Variants in KCNT2 observed in about 807,000 individuals in gnomAD.
KCNT2 encodes the protein potassium sodium-activated channel subfamily T member 2.
KCNT2 carries 67 observed loss-of-function variants against 153.8 expected under a neutral mutation model. That is an observed-to-expected ratio of 0.44 (90% CI 0.36 to 0.53). KCNT2 has a LOEUF of 0.53. KCNT2 is among the 20% of genes least tolerant of loss of function. The probability of loss-of-function intolerance (pLI) is 0.00; values close to 1 mark genes in which losing one functional copy is unlikely to be tolerated. For missense variants in KCNT2, 975 were observed against 1,354.8 expected (o/e 0.72, Z 4.40); for synonymous variants, 500 against 458.8 (o/e 1.09, Z -1.15).
intron 8 of KCNT2, among the ~76,000 whole-genome samples, chr1:196,435,473 T>C (rs1288184204): frequency 6.6e-6 from 1 of 151,538 alleles, no homozygotes; most frequent in Non-Finnish European, 1.5e-5. Flanking sequence ...AAGTAAATAA[T>C]AAACTAAAAA....
At chr1:196,252,460 T>C (rs575525012) in intron 26 of KCNT2, among the ~76,000 whole-genome samples, 6 of 151,834 alleles carry the variant, frequency 4.0e-5, no homozygotes, top group African/African-American at 7.2e-5. Flanking sequence ...AAGTTATTAC[T>C]CTCTACTCTG....
At chr1:196,481,310 G>A (rs1385065402) in intron 4 of KCNT2, among the ~76,000 whole-genome samples, 1 of 152,178 alleles carries the variant, frequency 6.6e-6, no homozygotes, top group Non-Finnish European at 1.5e-5. Context: ...ACTTGGAAGA[G>A]TGAGAAGGGA....
intron 5 of KCNT2, among the ~76,000 whole-genome samples, chr1:196,478,714 C>T (rs1490024057): frequency 2.0e-5 from 3 of 152,000 alleles, no homozygotes; most frequent in African/African-American, 7.2e-5. Flanking sequence ...TGACTGTAAA[C>T]TCATTGAAAA....
At chr1:196,287,482 T>C (rs1237403437) in intron 22 of KCNT2, among the ~76,000 whole-genome samples, 2 of 152,028 alleles carry the variant, frequency 1.3e-5, no homozygotes, top group Non-Finnish European at 2.9e-5. Flanking sequence ...CAAACATTCC[T>C]TGGTTCAATT....
chr1:196,322,416 A>G (rs537606998), intron 19 of KCNT2, among the ~76,000 whole-genome samples: 1 of 151,940 alleles, frequency 6.6e-6, no homozygotes, highest in Non-Finnish European at 1.5e-5. Context: ...AAACAAAAAA[A>G]CACAGGCTGA....
chr1:196,361,997 G>A (rs1278613201), intron 14 of KCNT2, among the ~76,000 whole-genome samples: 1 of 151,906 alleles, frequency 6.6e-6, no homozygotes, highest in East Asian at 1.9e-4. Flanking sequence ...TCCACCTAAG[G>A]AGGAGGGTGA....
rs531062402 is a variant in KCNT2 at position 196,391,957 on chromosome 1, T to C, written c.1294+6606A>G. 1.7e-4 allele frequency among the ~76,000 whole-genome samples: 25 copies of C among 151,448 alleles called. No individual in the cohort carries two copies. In the East Asian group the frequency reaches 4.9e-3, roughly 29 times the overall value. ...TTTTAAAATACAGATTTAAGGAAAA[T>C]CTGAGGGACAATTGATAACATTTGC... On this transcript the variant is annotated intron_variant, in intron 13 of 27. Transcript: ENST00000294725.
intron 8 of KCNT2, among the ~76,000 whole-genome samples, chr1:196,461,741 A>T (rs1272700488): frequency 1.3e-5 from 2 of 151,736 alleles, no homozygotes; most frequent in African/African-American, 4.8e-5. Flanking sequence ...ATATGTGGAC[A>T]GATTAGTCCA....
At chr1:196,412,637 C>T (rs1210234890) in intron 12 of KCNT2, among the ~76,000 whole-genome samples, 1 of 151,458 alleles carries the variant, frequency 6.6e-6, no homozygotes, top group Non-Finnish European at 1.5e-5. Flanking sequence ...TAGCAGCCCC[C>T]TACCCCCCAG....
chr1:196,227,360 G>A lies in KCNT2; in HGVS notation c.*864C>T, dbSNP rs1653566261. Reference sequence around the variant, plus strand: ...ATAGGAAAGATGGTAAAGTTCAAGAGTCTAAGGACAATCATTACTGTATAT... The same window carrying A: ...ATAGGAAAGATGGTAAAGTTCAAGAATCTAAGGACAATCATTACTGTATAT... On this transcript the variant is annotated 3_prime_UTR_variant, in exon 28 of 28. Transcript: ENST00000294725. 6.6e-6 allele frequency: 1 copy of A among 151,960 alleles called. No individual in the cohort carries two copies. The highest frequency in any genetic ancestry group is 1.5e-5 in the Non-Finnish European group (1 of 67,886). The allele number at this position is 151,960 out of a possible 1,614,324, so 9.4% of individuals were successfully genotyped here.
intron 8 of KCNT2, among the ~76,000 whole-genome samples, chr1:196,456,158 T>C (rs780558301): frequency 2.6e-5 from 4 of 151,996 alleles, no homozygotes; most frequent in East Asian, 1.9e-4. Flanking sequence ...GAAGCTGATA[T>C]TGGAAGTGGA....
chr1:196,604,933 C>T lies in KCNT2; in HGVS notation c.95+3282G>A, dbSNP rs551650911. Among the ~76,000 whole-genome samples, 112 of 152,116 alleles carry T rather than the reference C, an allele frequency of 7.4e-4. 1 individual carries two copies. The highest frequency in any genetic ancestry group is 1.3e-3 in the Non-Finnish European group (91 of 68,024). On this transcript the variant is annotated intron_variant, in intron 1 of 27. Transcript: ENST00000294725. Reference sequence around the variant, plus strand: ...GCACAATATAAATTTAGATGACCTACTTATCCAAAGTTGATTCACAGAAAA... The same window carrying T: ...GCACAATATAAATTTAGATGACCTATTTATCCAAAGTTGATTCACAGAAAA...
intron 25 of KCNT2, among the ~76,000 whole-genome samples, chr1:196,265,730 A>T (rs1657480199): frequency 6.6e-6 from 1 of 152,152 alleles, no homozygotes; most frequent in Admixed American, 6.6e-5. Context: ...CACCCCAAAA[A>T]ATGCTTCTGC....
chr1:196,490,409 T>G (rs1468335200), intron 2 of KCNT2, among the ~76,000 whole-genome samples: 2 of 148,940 alleles, frequency 1.3e-5, no homozygotes, highest in Admixed American at 6.7e-5. Context: ...TATAGTTCTA[T>G]GTTGTATATT....
chr1:196,570,379 G>A (rs1425889527), intron 1 of KCNT2, among the ~76,000 whole-genome samples: 2 of 151,876 alleles, frequency 1.3e-5, no homozygotes, highest in Non-Finnish European at 2.9e-5. Context: ...TAAAACAATT[G>A]GAAAAAACTG....
chr1:196,537,158 T>C (rs74134347), intron 1 of KCNT2, among the ~76,000 whole-genome samples: 3,229 of 152,270 alleles, frequency 0.021, 104 homozygotes, highest in African/African-American at 0.073. Context: ...CTCAGCCTCA[T>C]CATCTTAATT....
At chr1:196,539,401 T>C (rs1346194968) in intron 1 of KCNT2, among the ~76,000 whole-genome samples, 4 of 152,152 alleles carry the variant, frequency 2.6e-5, no homozygotes, top group African/African-American at 9.7e-5. Flanking sequence ...TCAATCAGTT[T>C]ATGATGTTTG....
intron 26 of KCNT2, among the ~76,000 whole-genome samples, chr1:196,247,617 A>C (rs1293649575): frequency 6.6e-6 from 1 of 152,186 alleles, no homozygotes; most frequent in Non-Finnish European, 1.5e-5. Context: ...GATGGCATGA[A>C]GGAGAAGTGC....
At chr1:196,439,347 A>G (rs1316462230) in intron 8 of KCNT2, among the ~76,000 whole-genome samples, 1 of 151,948 alleles carries the variant, frequency 6.6e-6, no homozygotes, top group Non-Finnish European at 1.5e-5. Flanking sequence ...GTCCTTAAAC[A>G]CTTTTTCAGA....
Sources: gnomAD v4.1 joint callset for allele counts (sites outside exome capture counted in the v4.1 genomes callset) on GRCh38, gnomAD v4.1.1 for gene constraint, MANE v1.5 for transcripts, NCBI Gene and HGNC (gene_info 2026-07-23, HGNC 2026-07-21) for gene names.